MACROD2: variants seen among roughly 807,000 people sequenced by gnomAD.
MACROD2 encodes the protein ADP-ribose glycohydrolase MACROD2.
Under a neutral mutation model 70.4 loss-of-function variants are expected in MACROD2, and 36 were observed. The observed-to-expected ratio is 0.51, with a 90% CI of 0.39 to 0.68. The LOEUF (loss-of-function observed/expected upper bound fraction) is 0.68. MACROD2 is among the 30% of genes least tolerant of loss of function. MACROD2 has a pLI of 0.00. For missense variants in MACROD2, 496 were observed against 538.4 expected (o/e 0.92, Z 0.78); for synonymous variants, 172 against 178.8 (o/e 0.96, Z 0.30).
intron 10 of MACROD2, among the ~76,000 whole-genome samples, chr20:15,926,290 CT>C (rs1007351426): frequency 4.6e-5 from 7 of 152,148 alleles, no homozygotes; most frequent in African/African-American, 1.4e-4. Context: ...TAATCTACCT[CT>C]TTTTTTCCTG....
intron 12 of MACROD2, among the ~76,000 whole-genome samples, chr20:15,946,686 A>T (rs1176555430): frequency 1.3e-5 from 2 of 152,216 alleles, no homozygotes; most frequent in African/African-American, 4.8e-5. Context: ...CAGCCCCTCC[A>T]CACCTGTGGG....
chr20:15,991,129 A>G (rs1175084395), intron 15 of MACROD2, among the ~76,000 whole-genome samples: 2 of 152,182 alleles, frequency 1.3e-5, no homozygotes, highest in Non-Finnish European at 2.9e-5. Context: ...AGATACTTTA[A>G]AGGGGGAGGG....
intron 4 of MACROD2, among the ~76,000 whole-genome samples, chr20:14,512,091 T>G: frequency 6.6e-6 from 1 of 152,028 alleles, no homozygotes; most frequent in Admixed American, 6.6e-5. Context: ...AAAAATGAAT[T>G]CAAAGTGCAT....
intron 8 of MACROD2, among the ~76,000 whole-genome samples, chr20:15,564,385 T>G (rs536249811): frequency 2.0e-5 from 3 of 152,328 alleles, no homozygotes; most frequent in African/African-American, 7.2e-5. Context: ...AAAAAGATGG[T>G]GTGCTCATGT....
At chr20:14,932,903 T>C (rs2074308608) in intron 5 of MACROD2, among the ~76,000 whole-genome samples, 1 of 152,152 alleles carries the variant, frequency 6.6e-6, no homozygotes, top group South Asian at 2.1e-4. Flanking sequence ...GCAGAGAGAA[T>C]GCTGTGCTGA....
intron 6 of MACROD2, among the ~76,000 whole-genome samples, chr20:15,309,733 G>T (rs969701757): frequency 6.6e-6 from 1 of 152,120 alleles, no homozygotes; most frequent in African/African-American, 2.4e-5. Flanking sequence ...ATTCTATATA[G>T]AGTATTACGG....
At chr20:14,712,218 A>G (rs559661098) in intron 5 of MACROD2, among the ~76,000 whole-genome samples, 1 of 152,122 alleles carries the variant, frequency 6.6e-6, no homozygotes, top group African/African-American at 2.4e-5. Context: ...GTACTTCTAT[A>G]TAGGGGAGTT....
At chr20:14,942,111 T>C (rs2074395556) in intron 5 of MACROD2, among the ~76,000 whole-genome samples, 1 of 152,108 alleles carries the variant, frequency 6.6e-6, no homozygotes, top group African/African-American at 2.4e-5. Context: ...CATTCTGATC[T>C]TCTGTAGACA....
At chr20:15,837,167 G>A (rs902466626) in intron 8 of MACROD2, among the ~76,000 whole-genome samples, 1 of 152,054 alleles carries the variant, frequency 6.6e-6, no homozygotes, top group African/African-American at 2.4e-5. Context: ...ATTAAAGGAA[G>A]CCCCCTTTTT....
rs115965726 is a variant in MACROD2 at position 15,053,267 on chromosome 20, C to T, written c.419-176673C>T. On this transcript the variant is annotated intron_variant, in intron 5 of 17. Transcript: ENST00000684519. Reference sequence around the variant, plus strand: ...CAGATTTTCAACGTAGATGAAACAGCGTTATATTGGAAGAAGATGCCACTT... The same window carrying T: ...CAGATTTTCAACGTAGATGAAACAGTGTTATATTGGAAGAAGATGCCACTT... Among the ~76,000 whole-genome samples, 1,204 of 152,182 alleles carry T rather than the reference C, an allele frequency of 7.9e-3. 19 individuals carry two copies. The highest frequency in any genetic ancestry group is 0.027 in the African/African-American group (1,134 of 41,508).
At chr20:14,639,322 T>C (rs140003633) in intron 4 of MACROD2, among the ~76,000 whole-genome samples, 1 of 152,270 alleles carries the variant, frequency 6.6e-6, no homozygotes, top group Non-Finnish European at 1.5e-5. Flanking sequence ...CTAGGTACCT[T>C]CTTCAACTCT....
intron 3 of MACROD2, among the ~76,000 whole-genome samples, chr20:14,294,261 T>C (rs1158503641): frequency 6.6e-6 from 1 of 150,924 alleles, no homozygotes; most frequent in Non-Finnish European, 1.5e-5. Flanking sequence ...CATGCATGTG[T>C]GTATAGCACA....
chr20:14,098,476 G>T (rs1480494747), intron 3 of MACROD2, among the ~76,000 whole-genome samples: 2 of 152,160 alleles, frequency 1.3e-5, no homozygotes, highest in Non-Finnish European at 2.9e-5. Flanking sequence ...TTGAGATGAT[G>T]TCATAAGATT....
intron 5 of MACROD2, among the ~76,000 whole-genome samples, chr20:15,202,284 C>A (rs1305467304): frequency 6.6e-6 from 1 of 152,144 alleles, no homozygotes; most frequent in Admixed American, 6.5e-5. Context: ...GTTTCTGCAC[C>A]ATTTGCATAA....
chr20:15,062,683 A>G (rs1229131615), intron 5 of MACROD2, among the ~76,000 whole-genome samples: 1 of 152,230 alleles, frequency 6.6e-6, no homozygotes, highest in African/African-American at 2.4e-5. Flanking sequence ...AGTGAATACT[A>G]TAGGTCAGAC....
At chr20:16,005,529 T>A (rs551590510) in intron 15 of MACROD2, among the ~76,000 whole-genome samples, 1 of 152,316 alleles carries the variant, frequency 6.6e-6, no homozygotes, top group African/African-American at 2.4e-5. Context: ...CATCTGCAAT[T>A]GCCTTTGAGG....
At chr20:16,045,596 G>A (rs992864570) in intron 17 of MACROD2, among the ~76,000 whole-genome samples, 5 of 152,054 alleles carry the variant, frequency 3.3e-5, no homozygotes, top group African/African-American at 1.2e-4. Flanking sequence ...GGGGAGTTGT[G>A]AAACGTCTTT....
chr20:15,737,651 A>G (rs945502100), intron 8 of MACROD2, among the ~76,000 whole-genome samples: 1 of 152,238 alleles, frequency 6.6e-6, no homozygotes, highest in Admixed American at 6.5e-5. Flanking sequence ...ATATAGTTCT[A>G]AATGTATTCT....
intron 3 of MACROD2, among the ~76,000 whole-genome samples, chr20:14,444,348 A>G (rs899197108): frequency 1.3e-5 from 2 of 152,096 alleles, no homozygotes; most frequent in African/African-American, 4.8e-5. Context: ...GCAGCAGCAT[A>G]TGACAAATGA....
Sources: allele counts gnomAD v4.1 joint callset (sites outside exome capture counted in the v4.1 genomes callset), GRCh38; gene constraint gnomAD v4.1.1; transcripts MANE v1.5; gene names NCBI Gene and HGNC (gene_info 2026-07-23, HGNC 2026-07-21).